ATAD5: variants seen among roughly 807,000 people sequenced by gnomAD.
The protein encoded by ATAD5 is ATPase family AAA domain containing 5, also known as ATPase family AAA domain-containing protein 5.
Under a neutral mutation model 176.9 loss-of-function variants are expected in ATAD5, and 58 were observed. That is an observed-to-expected ratio of 0.33 (90% CI 0.27 to 0.41). The LOEUF (loss-of-function observed/expected upper bound fraction) is 0.41, where lower values mean the gene tolerates loss of function less well. Among genes scored for constraint, ATAD5 ranks in the 10% least tolerant of loss-of-function variants. The pLI, the probability that ATAD5 is intolerant of heterozygous loss-of-function variation, is 1.00. For missense variants in ATAD5, 1,789 were observed against 2,094.1 expected (o/e 0.85, Z 2.84); for synonymous variants, 640 against 712.6 (o/e 0.90, Z 1.62).
At chr17:30,890,131 C>T (rs747988216) in intron 19 of ATAD5, among the ~76,000 whole-genome samples, 4 of 151,814 alleles carry the variant, frequency 2.6e-5, no homozygotes, top group East Asian at 1.9e-4. Context: ...TCAAGTGATC[C>T]GCCCCTCTTG....
chr17:30,846,429 A>T (rs1906507703), intron 6 of ATAD5, among the ~76,000 whole-genome samples: 1 of 139,566 alleles, frequency 7.2e-6, no homozygotes. Context: ...TTTTAGACGG[A>T]GTCTCACTCT....
At chr17:30,855,977 A>T (rs1907273162) in intron 7 of ATAD5, among the ~76,000 whole-genome samples, 1 of 152,040 alleles carries the variant, frequency 6.6e-6, no homozygotes, top group Non-Finnish European at 1.5e-5. Context: ...CTGGCCATTC[A>T]GTTGATGAAG....
At chr17:30,856,782 TATTA>T (rs150304414) in intron 7 of ATAD5, among the ~76,000 whole-genome samples, 169 bp from the exon 8 acceptor site, 4,053 of 152,346 alleles carry the variant, frequency 0.027, 197 homozygotes, top group African/African-American at 0.092. Flanking sequence ...AGGTGATTTT[TATTA>T]ATTCTATTTG....
At position 30,878,110 on chromosome 17, in the gene ATAD5, A is replaced by C; in HGVS notation, c.4012+14A>C. On this transcript the variant is annotated intron_variant, in intron 17 of 22. Transcript: ENST00000321990. Reference sequence around the variant, plus strand: ...TTACTACAAGTGGTAGGTAACAATGATTTTACTTCAGTTAAACAGTTACTC... The same window carrying C: ...TTACTACAAGTGGTAGGTAACAATGCTTTTACTTCAGTTAAACAGTTACTC... 1.3e-6 allele frequency: 2 copies of C among 1,547,520 alleles called. No individual in the cohort carries two copies. Among genetic ancestry groups the C allele is most frequent in the Non-Finnish European group, 1.8e-6 (2 of 1,126,550 alleles).
chr17:30,843,159 C>T (rs550420076), intron 4 of ATAD5, among the ~76,000 whole-genome samples: 3 of 151,788 alleles, frequency 2.0e-5, no homozygotes, highest in Non-Finnish European at 4.4e-5. Context: ...CGAGACCAGC[C>T]TGGTCAACAT....
chr17:30,858,839 C>T (rs1273866023), intron 9 of ATAD5, among the ~76,000 whole-genome samples: 1 of 152,192 alleles, frequency 6.6e-6, no homozygotes, highest in Non-Finnish European at 1.5e-5. Context: ...CGCCACTGCA[C>T]CTAGCTTATT....
intron 14 of ATAD5, among the ~76,000 whole-genome samples, chr17:30,873,327 T>C (rs1415399137): frequency 6.6e-6 from 1 of 151,236 alleles, no homozygotes; most frequent in Non-Finnish European, 1.5e-5. Flanking sequence ...TTTCTTTTTT[T>C]TTTTTTTTTG....
At position 30,893,678 on chromosome 17, in the gene ATAD5, G is replaced by A. The variant is rs994324226; in HGVS notation, c.4825G>A (p.Glu1609Lys). ...TGCAGAAGAAAGCAAAACCGGAGAC[G>A]AAGAAAGCAAAGCCAGAGACAAAGG... ...SNAEESKTGD[E>K]ESKARDKGNN... The change falls in exon 21 of 23, where the codon GAA becomes AAA. Residue 1609 changes from glutamate to lysine, a missense_variant. Physicochemically the swap from Glu to Lys is moderately conservative, Grantham distance 56 (BLOSUM62 1). This residue lies in a region of ATAD5 where 403 missense variants were observed against 495.1 expected (regional missense o/e 0.81). Transcript: ENST00000321990. 1.1e-5 allele frequency: 18 copies of A among 1,613,108 alleles called. No homozygotes were observed. Among genetic ancestry groups the A allele is most frequent in the East Asian group, 2.2e-5 (1 of 44,868 alleles).
At chr17:30,877,854 A>G (rs931271672) in intron 16 of ATAD5, 149 bp from the exon 17 acceptor site, 2 of 635,800 alleles carry the variant, frequency 3.1e-6, no homozygotes, top group Non-Finnish European at 5.2e-6. Context: ...AAAATTCATT[A>G]TAGTGTATGA....
intron 21 of ATAD5, 33 bp from the exon 22 acceptor site, chr17:30,894,531 T>C: frequency 6.3e-7 from 1 of 1,577,670 alleles, no homozygotes; most frequent in South Asian, 1.2e-5. Context: ...TTCTTGGGCA[T>C]TAAAAATTAA....
At chr17:30,839,643 G>A (rs1224760083) in intron 3 of ATAD5, among the ~76,000 whole-genome samples, 4 of 145,934 alleles carry the variant, frequency 2.7e-5, no homozygotes, top group South Asian at 2.2e-4. Flanking sequence ...GCAATGGCGC[G>A]ATTTTGGCTC....
intron 21 of ATAD5, 57 bp from the exon 22 acceptor site, chr17:30,894,507 G>C: frequency 6.6e-7 from 1 of 1,525,988 alleles, no homozygotes. Context: ...GTTGTGATTG[G>C]GATTACTGCA....
chr17:30,892,547 A>C, intron 19 of ATAD5, 60 bp from the exon 20 acceptor site: 1 of 1,227,036 alleles, frequency 8.1e-7, no homozygotes, highest in Admixed American at 2.9e-5. Context: ...GCTTTAAATA[A>C]TTGTTTGATA....
chr17:30,873,428 A>ATCTCC (rs1032056260), intron 14 of ATAD5, among the ~76,000 whole-genome samples: 2 of 149,376 alleles, frequency 1.3e-5, no homozygotes, highest in African/African-American at 2.5e-5. Context: ...AGTGATTCTC[A>ATCTCC]TGCCTCAGCC....
chr17:30,870,407 A>G (rs1031960510), intron 14 of ATAD5, among the ~76,000 whole-genome samples: 3 of 152,126 alleles, frequency 2.0e-5, no homozygotes, highest in Non-Finnish European at 2.9e-5. Flanking sequence ...CCTCTTCCCT[A>G]TATTTCTTGT....
intron 1 of ATAD5, 108 bp from the exon 2 acceptor site, chr17:30,834,040 G>T (rs991600803): frequency 2.1e-6 from 2 of 963,254 alleles, no homozygotes; most frequent in South Asian, 2.9e-5. Flanking sequence ...CCTAAAGGAG[G>T]CTTCCTTTTT....
Position 30,865,761 on chromosome 17 carries a change from A to C in ATAD5, c.3194A>C (p.Glu1065Ala). 1 of 1,595,850 alleles carries C rather than the reference A, an allele frequency of 6.3e-7. No homozygotes were observed. Among genetic ancestry groups the C allele is most frequent in the Non-Finnish European group, 8.5e-7 (1 of 1,173,734 alleles). The part of the protein sequence containing the change: ...TEKYQPQTAS[E>A]LIGNELAIKK... ...AAGTATCAACCTCAGACTGCCAGTG[A>C]ACTTATAGGAAATGAGTTAGCTATA... The change falls in exon 11 of 23, where the codon GAA becomes GCA. Residue 1065 changes from glutamate (E) to alanine (A), a missense_variant. Transcript: ENST00000321990.
At chr17:30,840,945 T>G (rs1479116675) in intron 4 of ATAD5, among the ~76,000 whole-genome samples, 164 bp downstream of exon 4, 1 of 152,218 alleles carries the variant, frequency 6.6e-6, no homozygotes, top group South Asian at 2.1e-4. Context: ...TGCTTTTTTT[T>G]GTCTGCAGAA....
chr17:30,887,123 A>G lies in ATAD5; in HGVS notation c.4078-69A>G, dbSNP rs557295013. ...AAAATTTGTCTCACTTTTAGATACT[A>G]TTTGTATGTATTATTGCTGTATCTA... On this transcript the variant is annotated intron_variant, in intron 18 of 22. Transcript: ENST00000321990. The G allele has an allele frequency of 9.3e-5, 125 of 1,337,604 alleles. No individual in the cohort carries two copies. In the Middle Eastern group the frequency reaches 9.4e-4, roughly 10 times the overall value. 82.9% of individuals were successfully genotyped at this position (1,337,604 alleles called of 1,614,324 possible). A position where few individuals can be genotyped will look rare whatever the true frequency, so the allele number is the denominator to read the frequency against.
Sources: allele counts gnomAD v4.1 joint callset (sites outside exome capture counted in the v4.1 genomes callset), GRCh38; gene constraint gnomAD v4.1.1; regional missense constraint gnomAD v4.1.1; transcripts MANE v1.5; gene names NCBI Gene and HGNC (gene_info 2026-07-23, HGNC 2026-07-21).